The following THSD7B variants were observed in gnomAD, a reference collection of about 807,000 sequenced individuals.
THSD7B encodes the protein thrombospondin type 1 domain containing 7B.
A neutral mutation model predicts 213.6 loss-of-function variants in THSD7B; 138 were observed. The ratio of observed to expected loss-of-function variants is 0.65; its 90% confidence interval spans 0.56 to 0.74. The LOEUF is 0.74. Ranked by LOEUF, THSD7B falls within the 30% of genes least tolerant of loss-of-function variation. The pLI, the probability that THSD7B is intolerant of heterozygous loss-of-function variation, is 0.00. For missense variants in THSD7B, 1,931 were observed against 1,991.5 expected, an observed-to-expected ratio of 0.97 and a Z score of 0.58; for synonymous variants, 742 against 687.0, an observed-to-expected ratio of 1.08 and a Z score of -1.25.
chr2:137,184,928 T>C (rs1261371741), intron 7 of THSD7B, among the ~76,000 whole-genome samples: 1 of 152,212 alleles, frequency 6.6e-6, no homozygotes, highest in African/African-American at 2.4e-5. Context: ...AAAAGTTCTT[T>C]ATTCTCTTTT....
intron 2 of THSD7B, among the ~76,000 whole-genome samples, chr2:136,900,937 T>C (rs1190981663): frequency 6.6e-6 from 1 of 152,144 alleles, no homozygotes; most frequent in East Asian, 1.9e-4. Flanking sequence ...CTACCCCCCA[T>C]GCAGAAAGTG....
At chr2:137,663,083 AAAAGAGAGAGGAAAAGCATAG>A (rs1460305482) in intron 25 of THSD7B, among the ~76,000 whole-genome samples, 2 of 151,830 alleles carry the variant, frequency 1.3e-5, no homozygotes, top group Admixed American at 1.3e-4. Flanking sequence ...AAAAAAGACA[AAAAGAGAGAGGAAAAGCATAG>A]TTAATTAACT....
chr2:137,587,163 T>A (rs1681751745), intron 17 of THSD7B, among the ~76,000 whole-genome samples: 1 of 152,252 alleles, frequency 6.6e-6, no homozygotes, highest in South Asian at 2.1e-4. Flanking sequence ...CACGTAGTTC[T>A]CGTGCCATGG....
chr2:136,850,339 A>G (rs988788081), intron 1 of THSD7B, among the ~76,000 whole-genome samples: 9 of 152,088 alleles, frequency 5.9e-5, no homozygotes, highest in Non-Finnish European at 2.9e-5. Context: ...GAAACAGTGA[A>G]CATTTTTGTA....
At chr2:137,567,874 A>T (rs1256852267) in intron 16 of THSD7B, among the ~76,000 whole-genome samples, 1 of 152,158 alleles carries the variant, frequency 6.6e-6, no homozygotes, top group Admixed American at 6.6e-5. Context: ...AAATTTGGGC[A>T]CCATTAGCTT....
chr2:137,362,360 TG>T (rs1685285279), intron 12 of THSD7B, among the ~76,000 whole-genome samples: 1 of 152,122 alleles, frequency 6.6e-6, no homozygotes, highest in Non-Finnish European at 1.5e-5. Context: ...ATCATAATGA[TG>T]GGATCAAATT....
At chr2:137,362,890 T>C (rs1685301185) in intron 12 of THSD7B, among the ~76,000 whole-genome samples, 1 of 152,166 alleles carries the variant, frequency 6.6e-6, no homozygotes, top group Non-Finnish European at 1.5e-5. Flanking sequence ...GCAGACCTAA[T>C]AGACATCTAC....
intron 12 of THSD7B, among the ~76,000 whole-genome samples, chr2:137,380,979 CAG>C (rs2104963586): frequency 6.6e-6 from 1 of 152,334 alleles, no homozygotes; most frequent in Non-Finnish European, 1.5e-5. Flanking sequence ...CACTCACACC[CAG>C]AGAGAGAGTA....
chr2:136,824,565 G>T (rs555057168), intron 1 of THSD7B, among the ~76,000 whole-genome samples: 11 of 152,228 alleles, frequency 7.2e-5, no homozygotes, highest in African/African-American at 2.6e-4. Flanking sequence ...GTGTTTGACT[G>T]ATTAAATATG....
chr2:137,384,853 C>G (rs992254227), intron 12 of THSD7B, among the ~76,000 whole-genome samples: 2 of 152,026 alleles, frequency 1.3e-5, no homozygotes, highest in Non-Finnish European at 2.9e-5. Flanking sequence ...AAGATTCTAC[C>G]CTGGAACTCC....
rs570698109 is a variant in THSD7B at position 136,765,996 on chromosome 2, C to T, written c.-36+309C>T. On this transcript the variant is annotated intron_variant, in intron 1 of 27. Coordinates refer to ENST00000409968, the MANE Select transcript of THSD7B (RefSeq NM_001316349.2). ...GAGCACCGACCTCATGCAACGGGAC[C>T]GAACCTTGGGACCCGGGCAGCAGGA... Among the ~76,000 whole-genome samples the T allele has an allele frequency of 3.9e-5, 6 of 152,312 alleles. No homozygotes were observed. In the South Asian group the frequency reaches 1.2e-3, roughly 32 times the overall value.
intron 15 of THSD7B, among the ~76,000 whole-genome samples, chr2:137,517,824 G>A (rs1680100347): frequency 6.6e-6 from 1 of 152,156 alleles, no homozygotes; most frequent in African/African-American, 2.4e-5. Flanking sequence ...ATTGGAGCAA[G>A]GCCCTGCCAT....
chr2:137,124,626 G>A (rs1688602118), intron 5 of THSD7B, among the ~76,000 whole-genome samples: 1 of 152,104 alleles, frequency 6.6e-6, no homozygotes, highest in Non-Finnish European at 1.5e-5. Context: ...GAACTAGGAT[G>A]CTAGTTCTAA....
In THSD7B at chr2:137,057,065, G is replaced by T; in HGVS notation, c.785G>T (p.Ser262Ile). ...RLPHLKEINP[S>I]GRTVLDFNSD... ...CCTCATCTTAAAGAAATTAATCCAA[G>T]CGGAAGAACTGTTCTGGATTTTAAC... Residue 262 changes from serine (S) to isoleucine (I), a missense_variant, in exon 3 of 28, where the codon AGC (serine) becomes ATC (isoleucine). Transcript: ENST00000409968. 1.2e-6 allele frequency: 2 copies of T among 1,613,916 alleles called. No individual in the cohort carries two copies. The highest frequency in any genetic ancestry group is 1.7e-6 in the Non-Finnish European group (2 of 1,179,874).
At chr2:137,605,835 AT>A (rs537157726) in intron 17 of THSD7B, among the ~76,000 whole-genome samples, 2 of 150,998 alleles carry the variant, frequency 1.3e-5, no homozygotes, top group East Asian at 2.0e-4. Flanking sequence ...CGCCCAGCTA[AT>A]TTTTTTGTAT....
rs189166044 is a variant in THSD7B, at chr2:137,285,961, G to A, written c.2500+9935G>A. Among the ~76,000 whole-genome samples the A allele has an allele frequency of 2.2e-3, 328 of 151,626 alleles. 1 individual carries two copies. The highest frequency in any genetic ancestry group is 6.8e-3 in the Middle Eastern group (2 of 294). ...TCTACTAAAAATACAAAAATTAGCC[G>A]GGCACGGTGGTGGGTGCCGGTAATC... On this transcript the variant is annotated intron_variant, in intron 12 of 27. Coordinates refer to ENST00000409968, the MANE Select transcript of THSD7B (RefSeq NM_001316349.2).
At chr2:137,499,964 T>C (rs1679661992) in intron 15 of THSD7B, among the ~76,000 whole-genome samples, 1 of 152,106 alleles carries the variant, frequency 6.6e-6, no homozygotes, top group Non-Finnish European at 1.5e-5. Flanking sequence ...TATTCTACAT[T>C]AAAAGGAATG....
intron 1 of THSD7B, among the ~76,000 whole-genome samples, chr2:136,777,486 A>G (rs941406456): frequency 6.6e-6 from 1 of 152,116 alleles, no homozygotes; most frequent in Non-Finnish European, 1.5e-5. Flanking sequence ...GGCCAAAGTA[A>G]TGAATTACTT....
chr2:137,188,244 C>G (rs1680588167), intron 7 of THSD7B, among the ~76,000 whole-genome samples: 1 of 152,138 alleles, frequency 6.6e-6, no homozygotes, highest in Admixed American at 6.6e-5. Flanking sequence ...AGACCAGAAT[C>G]CAATCACCTT....
Sources: gnomAD v4.1 joint callset for allele counts (sites outside exome capture counted in the v4.1 genomes callset) on GRCh38, gnomAD v4.1.1 for gene constraint, MANE v1.5 for transcripts, NCBI Gene and HGNC (gene_info 2026-07-23, HGNC 2026-07-21) for gene names.